CTNNA3: variants seen among roughly 807,000 people sequenced by gnomAD.
The protein encoded by CTNNA3 is catenin alpha-3.
A neutral mutation model predicts 95.7 loss-of-function variants in CTNNA3; 76 were observed. That is an observed-to-expected ratio of 0.79 (90% CI 0.66 to 0.96). The LOEUF is 0.96. Among genes scored for constraint, CTNNA3 ranks in the 40% least tolerant of loss-of-function variants. The pLI is 0.00. For missense variants in CTNNA3, 1,191 were observed against 1,089.8 expected (o/e 1.09, Z -1.31); for synonymous variants, 431 against 374.4 (o/e 1.15, Z -1.74).
In CTNNA3 at chr10:66,324,306, C is replaced by T. The variant is rs532194571; in HGVS notation, c.1733-43685G>A. On this transcript the variant is annotated intron_variant, in intron 12 of 17. Transcript: ENST00000433211. ...CTGTACTCCATCCTGAGCAACAGAG[C>T]GAGACTGCATCTCAAAAAACAAACA... 2.0e-5 allele frequency among the ~76,000 whole-genome samples: 3 copies of T among 152,116 alleles called. No individual in the cohort carries two copies. In the South Asian group the frequency reaches 6.2e-4, roughly 32 times the overall value.
chr10:66,985,296 T>C (rs1448473014), intron 7 of CTNNA3, among the ~76,000 whole-genome samples: 1 of 152,208 alleles, frequency 6.6e-6, no homozygotes, highest in African/African-American at 2.4e-5. Context: ...GCACATATAA[T>C]GCAGAATTCT....
intron 6 of CTNNA3, among the ~76,000 whole-genome samples, chr10:67,212,308 T>G (rs1421056400): frequency 2.6e-5 from 4 of 151,994 alleles, no homozygotes; most frequent in Admixed American, 2.6e-4. Flanking sequence ...CTCCTCAATA[T>G]TGCATAAATC....
At chr10:67,238,440 T>TA (rs576923958) in intron 5 of CTNNA3, among the ~76,000 whole-genome samples, 5,814 of 140,308 alleles carry the variant, frequency 0.041, 351 homozygotes, top group African/African-American at 0.14. Context: ...AATACTAAAC[T>TA]AAAAAAAAAA....
rs1198965994 is a variant in CTNNA3, at chr10:65,917,171, A to G, written c.*3159T>C. The G allele has an allele frequency of 6.6e-6, 1 of 152,170 alleles. No individual in the cohort carries two copies. The highest frequency in any genetic ancestry group is 1.5e-5 in the Non-Finnish European group (1 of 68,036). The allele number at this position is 152,170 out of a possible 1,614,324, so 9.4% of individuals were successfully genotyped here. ...AAAGATTTCAAAGGCCAGAAGGCACACTTGTGAATGTGAAGGCTATATTGT... is the reference window on the plus strand; with the variant it reads ...AAAGATTTCAAAGGCCAGAAGGCACGCTTGTGAATGTGAAGGCTATATTGT... On this transcript the variant is annotated 3_prime_UTR_variant, in exon 18 of 18. Coordinates refer to ENST00000433211, the MANE Select transcript of CTNNA3 (RefSeq NM_013266.4).
At chr10:66,004,931 A>G (rs1440916268) in intron 15 of CTNNA3, among the ~76,000 whole-genome samples, 1 of 152,164 alleles carries the variant, frequency 6.6e-6, no homozygotes, top group Non-Finnish European at 1.5e-5. Context: ...TTATTATTTT[A>G]TATTTCTGGA....
Position 66,010,875 on chromosome 10 carries a change from A to G in CTNNA3, c.2160-22078T>C, listed in dbSNP as rs902680939. Among the ~76,000 whole-genome samples the G allele has an allele frequency of 2.8e-4, 43 of 152,196 alleles. 1 individual carries two copies. The highest frequency in any genetic ancestry group is 1.0e-3 in the African/African-American group (43 of 41,454). ...CACCACTACCAGAAGGTGGTCTTCTACTAGAGTTTGGGTCTTGAAAACTAG... is the reference window on the plus strand; with the variant it reads ...CACCACTACCAGAAGGTGGTCTTCTGCTAGAGTTTGGGTCTTGAAAACTAG... On this transcript the variant is annotated intron_variant, in intron 15 of 17. Coordinates refer to ENST00000433211, the MANE Select transcript of CTNNA3 (RefSeq NM_013266.4).
At chr10:65,932,032 C>T (rs576993792) in intron 17 of CTNNA3, among the ~76,000 whole-genome samples, 8 of 152,192 alleles carry the variant, frequency 5.3e-5, no homozygotes, top group South Asian at 4.2e-4. Flanking sequence ...CTCAAGGTTA[C>T]GTGGATGACC....
chr10:66,366,840 T>C (rs1454835794), intron 12 of CTNNA3, among the ~76,000 whole-genome samples: 2 of 152,116 alleles, frequency 1.3e-5, no homozygotes, highest in African/African-American at 4.8e-5. Flanking sequence ...ATGATTAAGG[T>C]AGATGTGTAT....
At chr10:67,070,140 T>A (rs780581990) in intron 7 of CTNNA3, among the ~76,000 whole-genome samples, 1 of 152,348 alleles carries the variant, frequency 6.6e-6, no homozygotes, top group South Asian at 2.1e-4. Context: ...ATTAGTATAA[T>A]GATTGTTGAA....
intron 1 of CTNNA3, among the ~76,000 whole-genome samples, chr10:67,683,075 G>A (rs1240585733): frequency 1.3e-5 from 2 of 152,142 alleles, no homozygotes; most frequent in Non-Finnish European, 2.9e-5. Context: ...CATGGATATT[G>A]CATAGGCAAC....
chr10:67,316,419 A>G (rs1841052665), intron 5 of CTNNA3, among the ~76,000 whole-genome samples: 1 of 152,184 alleles, frequency 6.6e-6, no homozygotes, highest in Non-Finnish European at 1.5e-5. Context: ...GGGCCTTAGT[A>G]CAAACAGAAA....
chr10:67,230,887 C>T (rs1201330151), intron 5 of CTNNA3, among the ~76,000 whole-genome samples: 2 of 152,192 alleles, frequency 1.3e-5, no homozygotes, highest in Non-Finnish European at 2.9e-5. Flanking sequence ...AGGGAGTTCC[C>T]TTTCCTAGTC....
intron 7 of CTNNA3, among the ~76,000 whole-genome samples, chr10:66,989,420 C>G (rs1850918522): frequency 6.6e-6 from 1 of 152,080 alleles, no homozygotes; most frequent in South Asian, 2.1e-4. Context: ...GTAGGTATAA[C>G]AGAATTAGAC....
At chr10:67,001,383 T>C (rs1372361649) in intron 7 of CTNNA3, among the ~76,000 whole-genome samples, 3 of 150,616 alleles carry the variant, frequency 2.0e-5, no homozygotes, top group Non-Finnish European at 4.4e-5. Context: ...AGTTCACTTC[T>C]AGAATGCTAG....
chr10:66,534,502 G>A (rs994561784), intron 10 of CTNNA3, among the ~76,000 whole-genome samples: 2 of 91,050 alleles, frequency 2.2e-5, no homozygotes, highest in African/African-American at 8.3e-5. Flanking sequence ...ATATATATAT[G>A]TATATATATG....
chr10:66,964,849 G>A (rs147613514), intron 7 of CTNNA3, among the ~76,000 whole-genome samples: 3 of 152,228 alleles, frequency 2.0e-5, no homozygotes, highest in Non-Finnish European at 2.9e-5. Context: ...ATCGCTCACA[G>A]AAAAGTCAAG....
At chr10:67,730,619 G>A (rs1399167110) in intron 1 of CTNNA3, among the ~76,000 whole-genome samples, 1 of 151,900 alleles carries the variant, frequency 6.6e-6, no homozygotes, top group East Asian at 1.9e-4. Context: ...GCTTAAGATT[G>A]GAGCAGAAGG....
intron 5 of CTNNA3, among the ~76,000 whole-genome samples, chr10:67,374,573 T>C (rs1843620229): frequency 1.3e-5 from 2 of 152,234 alleles, no homozygotes; most frequent in African/African-American, 4.8e-5. Context: ...AATGAGACTT[T>C]TTTGCTTTAA....
intron 14 of CTNNA3, among the ~76,000 whole-genome samples, chr10:66,084,150 AAAAAAAAGAAAAAG>A (rs1203704881): frequency 4.6e-5 from 6 of 131,188 alleles, no homozygotes; most frequent in African/African-American, 1.3e-4. Context: ...AAAAAAAAGA[AAAAAAAAGAAAAAG>A]AAAAAAAGAA....
Sources: gnomAD v4.1 joint callset for allele counts (sites outside exome capture counted in the v4.1 genomes callset) on GRCh38, gnomAD v4.1.1 for gene constraint, MANE v1.5 for transcripts, NCBI Gene and HGNC (gene_info 2026-07-23, HGNC 2026-07-21) for gene names.